The following SAMD12 variants were observed in gnomAD, a reference collection of about 807,000 sequenced individuals.
SAMD12 encodes the protein sterile alpha motif domain containing 12.
A neutral mutation model predicts 15.0 loss-of-function variants in SAMD12; 9 were observed. The observed-to-expected ratio is 0.60, with a 90% CI of 0.36 to 1.05. The LOEUF is 1.05. SAMD12 is among the 50% of genes least tolerant of loss of function. The pLI is 0.01. For synonymous variants in SAMD12, 86 were observed against 90.1 expected, an observed-to-expected ratio of 0.96 and a Z score of 0.25; for missense variants, 230 against 234.2, an observed-to-expected ratio of 0.98 and a Z score of 0.12.
rs139977432 is a variant in SAMD12 at position 118,269,164 on chromosome 8, T to G, written c.434-71432A>C. 8.2e-3 allele frequency among the ~76,000 whole-genome samples: 1,251 copies of G among 151,644 alleles called. 27 individuals are homozygous for G. The highest frequency in any genetic ancestry group is 0.029 in the African/African-American group (1,204 of 41,272). ...TATTATTTTCCATGTCTTGGTGGATTTATGCCTTTCACATTCTTCTTTGCT... is the reference window on the plus strand; with the variant it reads ...TATTATTTTCCATGTCTTGGTGGATGTATGCCTTTCACATTCTTCTTTGCT... On this transcript the variant is annotated intron_variant, in intron 4 of 4. Coordinates refer to the SAMD12 transcript ENST00000409003.
intron 2 of SAMD12, among the ~76,000 whole-genome samples, chr8:118,498,319 T>C (rs1824685387): frequency 6.6e-6 from 1 of 152,214 alleles, no homozygotes. Flanking sequence ...ATAAAAAATA[T>C]AGAGAAGAAT....
intron 4 of SAMD12, among the ~76,000 whole-genome samples, chr8:118,252,737 A>C (rs543341865): frequency 6.6e-6 from 1 of 151,830 alleles, no homozygotes; most frequent in South Asian, 2.1e-4. Flanking sequence ...ACACAGATTT[A>C]CTGCCTATTA....
intron 2 of SAMD12, among the ~76,000 whole-genome samples, chr8:118,451,170 C>A (rs1823070443): frequency 6.6e-6 from 1 of 152,180 alleles, no homozygotes; most frequent in South Asian, 2.1e-4. Context: ...CAGTCCAGGT[C>A]TGCAGTAATT....
chr8:118,295,646 ATTTTT>A (rs34753693), intron 4 of SAMD12: 51 of 134,136 alleles, frequency 3.8e-4, no homozygotes, highest in African/African-American at 1.2e-3. Context: ...GCTGTCACTG[ATTTTT>A]TTTTTTTTTT....
chr8:118,598,574 G>C (rs1480343644), intron 1 of SAMD12, among the ~76,000 whole-genome samples: 3 of 152,196 alleles, frequency 2.0e-5, no homozygotes, highest in Non-Finnish European at 4.4e-5. Context: ...TCCCTGTAAA[G>C]TTAAGAACCA....
intron 4 of SAMD12, among the ~76,000 whole-genome samples, chr8:118,238,238 GC>G (rs999907167): frequency 6.6e-6 from 1 of 151,970 alleles, no homozygotes; most frequent in Admixed American, 6.6e-5. Flanking sequence ...CCAGTGTTTG[GC>G]ATAAGTAAGG....
At chr8:118,558,804 G>A (rs1826622592) in intron 2 of SAMD12, among the ~76,000 whole-genome samples, 1 of 152,010 alleles carries the variant, frequency 6.6e-6, no homozygotes, top group African/African-American at 2.4e-5. Context: ...CGATCCACCC[G>A]CCTCAGCCTC....
At position 118,395,479 on chromosome 8, in the gene SAMD12, A is replaced by G. The variant is rs574095774; in HGVS notation, c.323-15779T>C. ...ATGAATTATTTAGAAAGAAAGTAAA[A>G]GCAATGTTCACTTGGGTTTTCTTTA... On this transcript the variant is annotated intron_variant, in intron 3 of 3. Coordinates refer to ENST00000314727, the MANE Select transcript of SAMD12 (RefSeq NM_207506.3). Among the ~76,000 whole-genome samples, 5 of 152,296 alleles carry G rather than the reference A, an allele frequency of 3.3e-5. No homozygotes were observed. In the South Asian group the frequency reaches 8.3e-4, roughly 25 times the overall value.
At chr8:118,335,741 T>C (rs1050250079) in intron 4 of SAMD12, among the ~76,000 whole-genome samples, 1 of 152,218 alleles carries the variant, frequency 6.6e-6, no homozygotes, top group South Asian at 2.1e-4. Context: ...GCCTTTTCTA[T>C]GGCAGGTACT....
intron 3 of SAMD12, among the ~76,000 whole-genome samples, chr8:118,434,290 A>G (rs1016170495): frequency 5.9e-5 from 9 of 152,078 alleles, no homozygotes; most frequent in Non-Finnish European, 7.3e-5. Flanking sequence ...TAGAAATATA[A>G]TAAGTCAATA....
intron 2 of SAMD12, among the ~76,000 whole-genome samples, chr8:118,562,841 TAC>T (rs1826746065): frequency 6.6e-6 from 1 of 152,102 alleles, no homozygotes; most frequent in East Asian, 1.9e-4. Flanking sequence ...GTAAATGGAG[TAC>T]ATTCAAGTAG....
At chr8:118,388,378 C>G (rs143055187) in intron 3 of SAMD12, among the ~76,000 whole-genome samples, 1 of 152,304 alleles carries the variant, frequency 6.6e-6, no homozygotes, top group Non-Finnish European at 1.5e-5. Flanking sequence ...TTTGCCTACA[C>G]TACATCTCTG....
At chr8:118,525,145 G>A (rs1457410464) in intron 2 of SAMD12, among the ~76,000 whole-genome samples, 4 of 152,044 alleles carry the variant, frequency 2.6e-5, no homozygotes, top group Admixed American at 2.0e-4. Flanking sequence ...CAGGCTCCTC[G>A]CTGTTTCTAC....
chr8:118,585,364 T>C (rs1827411859), intron 1 of SAMD12, among the ~76,000 whole-genome samples: 1 of 152,174 alleles, frequency 6.6e-6, no homozygotes, highest in Admixed American at 6.5e-5. Context: ...TGGAGATGGA[T>C]GGTGATGATG....
chr8:118,516,132 A>G (rs557633825), intron 2 of SAMD12, among the ~76,000 whole-genome samples: 1 of 152,316 alleles, frequency 6.6e-6, no homozygotes, highest in South Asian at 2.1e-4. Flanking sequence ...TCTCAAATGC[A>G]TAGCAACTCA....
At chr8:118,528,993 A>G (rs948404677) in intron 2 of SAMD12, among the ~76,000 whole-genome samples, 1 of 152,206 alleles carries the variant, frequency 6.6e-6, no homozygotes, top group Non-Finnish European at 1.5e-5. Flanking sequence ...AAGAGATTCA[A>G]CACCCTACAC....
At chr8:118,173,612 A>G in the SAMD12 span, among the ~76,000 whole-genome samples, 9 of 146,632 alleles carry the variant, frequency 6.1e-5, no homozygotes, top group African/African-American at 1.2e-4. Context: ...TTATTATATT[A>G]AATTATATAC....
In SAMD12 at chr8:118,197,518, T is replaced by G. The variant is rs865882106; in HGVS notation, c.*192A>C. ...TGGCATTATATTATGCACCTCATTT[T>G]AAATCCACAGCAAAGCAAGATTTTT... On this transcript the variant is annotated 3_prime_UTR_variant, in exon 5 of 5. Coordinates refer to the SAMD12 transcript ENST00000409003. 3 of 643,698 alleles carry G rather than the reference T, an allele frequency of 4.7e-6. No homozygotes were observed. The Middle Eastern group carries it at 7.6e-4, about 164-fold the overall frequency. 39.9% of individuals were successfully genotyped at this position (643,698 alleles called of 1,614,324 possible).
chr8:118,586,803 G>A (rs1434024670), intron 1 of SAMD12, among the ~76,000 whole-genome samples: 1 of 152,190 alleles, frequency 6.6e-6, no homozygotes, highest in Non-Finnish European at 1.5e-5. Flanking sequence ...CTACCTTACA[G>A]TAGGTGCTCA....
Sources: allele counts gnomAD v4.1 joint callset (sites outside exome capture counted in the v4.1 genomes callset), GRCh38; gene constraint gnomAD v4.1.1; transcripts MANE v1.5; gene names NCBI Gene and HGNC (gene_info 2026-07-23, HGNC 2026-07-21).